The following PCSK5 variants were observed in gnomAD, a reference collection of about 807,000 sequenced individuals.
PCSK5 encodes the protein prohormone convertase 5.
In PCSK5, 129 loss-of-function variants were observed where a neutral mutation model predicts 233.2. The observed-to-expected ratio is 0.55, with a 90% CI of 0.48 to 0.64. PCSK5 has a LOEUF of 0.64. Among genes scored for constraint, PCSK5 ranks in the 30% least tolerant of loss-of-function variants. PCSK5 has a pLI of 0.00. For synonymous variants in PCSK5, 825 were observed against 879.2 expected, an observed-to-expected ratio of 0.94 and a Z score of 1.09; for missense variants, 2,076 against 2,430.1, an observed-to-expected ratio of 0.85 and a Z score of 3.06.
At chr9:76,061,469 A>G (rs1041218445) in intron 5 of PCSK5, among the ~76,000 whole-genome samples, 1 of 152,200 alleles carries the variant, frequency 6.6e-6, no homozygotes, top group Non-Finnish European at 1.5e-5. Context: ...CTTGTGGTTC[A>G]GTAGCACTGG....
chr9:76,131,372 A>G (rs915615838), intron 9 of PCSK5, among the ~76,000 whole-genome samples: 15 of 152,078 alleles, frequency 9.9e-5, no homozygotes, highest in African/African-American at 2.4e-4. Flanking sequence ...TGGTTTTTCA[A>G]TTTATCTTCT....
chr9:75,957,158 A>G (rs980071876), intron 2 of PCSK5, among the ~76,000 whole-genome samples: 2 of 151,986 alleles, frequency 1.3e-5, no homozygotes, highest in African/African-American at 4.8e-5. Context: ...ACCTTTTTCA[A>G]CAGCTGAGCT....
At chr9:76,126,340 G>A (rs926838482) in intron 9 of PCSK5, among the ~76,000 whole-genome samples, 8 of 152,186 alleles carry the variant, frequency 5.3e-5, no homozygotes, top group Non-Finnish European at 1.2e-4. Context: ...TCAGCTGGGC[G>A]AGGTGGCTCA....
chr9:76,352,000 A>G (rs1032359195), intron 36 of PCSK5, among the ~76,000 whole-genome samples: 1 of 152,152 alleles, frequency 6.6e-6, no homozygotes, highest in African/African-American at 2.4e-5. Context: ...CCAGACCCCA[A>G]AAGAGGGTTC....
chr9:76,177,574 T>C (rs115913096), intron 14 of PCSK5, among the ~76,000 whole-genome samples: 2,562 of 152,342 alleles, frequency 0.017, 75 homozygotes, highest in African/African-American at 0.057. Context: ...TTTGAGCCTA[T>C]AGCATTGCTA....
intron 30 of PCSK5, among the ~76,000 whole-genome samples, chr9:76,312,527 A>G (rs2131441944): frequency 6.6e-6 from 1 of 152,134 alleles, no homozygotes; most frequent in Admixed American, 6.6e-5. Context: ...AAAAAAAGCA[A>G]AAAAGCAAAA....
At chr9:76,312,694 T>A (rs1828898341) in intron 30 of PCSK5, among the ~76,000 whole-genome samples, 1 of 152,082 alleles carries the variant, frequency 6.6e-6, no homozygotes, top group Non-Finnish European at 1.5e-5. Context: ...CATATTCAGC[T>A]CAACAACACA....
At chr9:75,985,712 C>T (rs1826482048) in intron 2 of PCSK5, among the ~76,000 whole-genome samples, 2 of 152,168 alleles carry the variant, frequency 1.3e-5, no homozygotes, top group Admixed American at 6.5e-5. Context: ...TGAGTGATTG[C>T]ATCAGAGACC....
chr9:76,059,093 A>G (rs886081370), intron 5 of PCSK5, among the ~76,000 whole-genome samples: 1 of 152,258 alleles, frequency 6.6e-6, no homozygotes. Context: ...CTAAAGTGAA[A>G]TATAGAATTG....
intron 34 of PCSK5, among the ~76,000 whole-genome samples, chr9:76,337,603 A>T (rs1829713788): frequency 1.3e-5 from 2 of 152,102 alleles, no homozygotes; most frequent in Admixed American, 1.3e-4. Context: ...CCTCCCAAGT[A>T]GCTGGGATTA....
chr9:76,309,954 A>G (rs1329171903), intron 29 of PCSK5, among the ~76,000 whole-genome samples: 1 of 152,036 alleles, frequency 6.6e-6, no homozygotes, highest in East Asian at 1.9e-4. Flanking sequence ...TTAAAGGGAG[A>G]GTTGGGTGGA....
At chr9:76,281,794 G>T (rs552069644) in intron 24 of PCSK5, among the ~76,000 whole-genome samples, 2 of 152,004 alleles carry the variant, frequency 1.3e-5, no homozygotes, top group Non-Finnish European at 2.9e-5. Context: ...AACTACAGGT[G>T]TATGCCACCA....
chr9:75,967,879 C>G (rs1825659783), intron 2 of PCSK5, among the ~76,000 whole-genome samples: 1 of 152,036 alleles, frequency 6.6e-6, no homozygotes. Flanking sequence ...TCTCCTGCAT[C>G]AGCCTTCTGA....
Position 76,242,901 on chromosome 9 carries a change from A to T in PCSK5, c.3142+2217A>T, listed in dbSNP as rs1177426596. ...TACCCAGCAAGATACACATAGAGAA[A>T]AGAAGATCTTCCTTCCATAGCTTCA... On this transcript the variant is annotated intron_variant, in intron 24 of 37. Transcript: ENST00000674117. Among the ~76,000 whole-genome samples the T allele has an allele frequency of 2.0e-5, 3 of 152,222 alleles. No homozygotes were observed. The East Asian group carries it at 5.8e-4, about 29-fold the overall frequency.
At chr9:75,988,530 C>T (rs1340886495) in intron 3 of PCSK5, among the ~76,000 whole-genome samples, 2 of 152,108 alleles carry the variant, frequency 1.3e-5, no homozygotes, top group East Asian at 1.9e-4. Flanking sequence ...GATCCTCCCA[C>T]GTTAGCCTCC....
At chr9:76,024,181 A>G (rs1447400878) in intron 4 of PCSK5, among the ~76,000 whole-genome samples, 1 of 152,152 alleles carries the variant, frequency 6.6e-6, no homozygotes, top group Admixed American at 6.5e-5. Flanking sequence ...AATTTATCCA[A>G]CCAGCCAGGC....
chr9:75,918,508 T>C lies in PCSK5; in HGVS notation c.193-13871T>C, dbSNP rs1017729688. On this transcript the variant is annotated intron_variant, in intron 1 of 37. Transcript: ENST00000674117. ...GATTTTTATTACTTATTTCAAGACA[T>C]TTATATTAGGTGTGGTATGGCTGAT... Among the ~76,000 whole-genome samples, 4 of 152,346 alleles carry C rather than the reference T, an allele frequency of 2.6e-5. No homozygotes were observed. In the East Asian group the frequency reaches 7.7e-4, roughly 29 times the overall value.
intron 20 of PCSK5, among the ~76,000 whole-genome samples, chr9:76,222,213 G>A (rs1825749858): frequency 6.6e-6 from 1 of 152,118 alleles, no homozygotes; most frequent in South Asian, 2.1e-4. Context: ...TCCCAAGATG[G>A]TGGATTGGTT....
At position 75,891,085 on chromosome 9, in the gene PCSK5, C is replaced by T; in HGVS notation, c.-97C>T. On this transcript the variant is annotated 5_prime_UTR_variant, in exon 1 of 38. Coordinates refer to ENST00000674117, the MANE Select transcript of PCSK5 (RefSeq NM_001372043.1). The stretch of plus-strand genomic sequence containing the variant: ...GGCTGCGAGCTGCGGCGGCCCGGGG[C>T]TGCTCGCCGGGCGGCGCAGGCCGGA... The T allele has an allele frequency of 8.5e-7, 1 of 1,175,166 alleles. No individual in the cohort carries two copies. The highest frequency in any genetic ancestry group is 3.2e-5 in the East Asian group (1 of 31,258). 72.8% of individuals were successfully genotyped at this position (1,175,166 alleles called of 1,614,324 possible). A position where few individuals can be genotyped will look rare whatever the true frequency, so the allele number is the denominator to read the frequency against.
Sources: gnomAD v4.1 joint callset for allele counts (sites outside exome capture counted in the v4.1 genomes callset) on GRCh38, gnomAD v4.1.1 for gene constraint, MANE v1.5 for transcripts, NCBI Gene and HGNC (gene_info 2026-07-23, HGNC 2026-07-21) for gene names.